Variants in RASA2 observed in about 807,000 individuals in gnomAD.
RASA2 encodes RAS p21 protein activator 2, also known as ras GTPase-activating protein 2.
In RASA2, 155 loss-of-function variants were observed where a neutral mutation model predicts 118.2. The observed-to-expected ratio is 1.31, with a 90% CI of 1.15 to 1.50. The LOEUF (loss-of-function observed/expected upper bound fraction) is 1.50. RASA2 is among the 40% of genes most tolerant of loss of function. The pLI, the probability that RASA2 is intolerant of heterozygous loss-of-function variation, is 0.00. For missense variants in RASA2, 1,016 were observed against 1,009.6 expected (o/e 1.01, Z -0.09); for synonymous variants, 353 against 349.1 (o/e 1.01, Z -0.12).
intron 1 of RASA2, among the ~76,000 whole-genome samples, chr3:141,500,234 T>G (rs894378301): frequency 1.3e-5 from 2 of 152,170 alleles, no homozygotes; most frequent in Admixed American, 1.3e-4. Flanking sequence ...CCTTTTTTTG[T>G]TTTTGTTTCT....
intron 19 of RASA2, among the ~76,000 whole-genome samples, chr3:141,588,733 A>C (rs1560054022): frequency 6.6e-6 from 1 of 152,176 alleles, no homozygotes; most frequent in Non-Finnish European, 1.5e-5. Flanking sequence ...AAGAAACCAA[A>C]TGCATTATAC....
intron 9 of RASA2, among the ~76,000 whole-genome samples, chr3:141,565,113 G>A (rs111283314): frequency 0.045 from 6,804 of 152,180 alleles, 494 homozygotes; most frequent in African/African-American, 0.15. Flanking sequence ...AGCCTCCCAA[G>A]TAGCTGGGAC....
intron 19 of RASA2, among the ~76,000 whole-genome samples, chr3:141,596,670 A>G (rs543415607): frequency 4.3e-4 from 66 of 152,370 alleles, no homozygotes; most frequent in African/African-American, 1.4e-3. Flanking sequence ...AAGAGATTAT[A>G]CAAGTGGATA....
intron 1 of RASA2, among the ~76,000 whole-genome samples, chr3:141,488,898 A>G (rs572881961): frequency 1.3e-5 from 2 of 152,320 alleles, no homozygotes; most frequent in Non-Finnish European, 2.9e-5. Context: ...AGGTTTTACC[A>G]TGGAACTACA....
At chr3:141,492,873 A>G (rs1180533966) in intron 1 of RASA2, among the ~76,000 whole-genome samples, 2 of 152,350 alleles carry the variant, frequency 1.3e-5, no homozygotes, top group East Asian at 1.9e-4. Flanking sequence ...AAGAGACGCT[A>G]ACCCACTGGA....
chr3:141,591,732 C>T (rs1324985689), intron 19 of RASA2, among the ~76,000 whole-genome samples: 1 of 151,912 alleles, frequency 6.6e-6, no homozygotes, highest in Non-Finnish European at 1.5e-5. Flanking sequence ...ACATTAAATG[C>T]CCTAGCTTAT....
intron 19 of RASA2, among the ~76,000 whole-genome samples, chr3:141,602,127 G>C (rs1410782043): frequency 1.3e-5 from 2 of 152,138 alleles, no homozygotes; most frequent in African/African-American, 4.8e-5. Flanking sequence ...ATCAGTTTTA[G>C]TTGGCTGCCT....
At position 141,613,711 on chromosome 3, in the gene RASA2, A is replaced by G. The variant is rs2083686638; in HGVS notation, c.*1398A>G. On this transcript the variant is annotated 3_prime_UTR_variant, in exon 24 of 24. Transcript: ENST00000286364. ...GCTATATTTCAAGATATACTTTGCC[A>G]ATTTTGTTATTGGTGGGTAATCATT... 6.6e-6 allele frequency: 1 copy of G among 152,192 alleles called. No individual in the cohort carries two copies. The highest frequency in any genetic ancestry group is 2.1e-4 in the South Asian group (1 of 4,832). The allele number at this position is 152,192 out of a possible 1,614,324, so 9.4% of individuals were successfully genotyped here. A position where few individuals can be genotyped will look rare whatever the true frequency, so the allele number is the denominator to read the frequency against.
Position 141,559,959 on chromosome 3 carries a change from T to C in RASA2, c.827T>C (p.Val276Ala), listed in dbSNP as rs1283132582. Residue 276 changes from valine (V) to alanine (A), a missense_variant, in exon 9 of 24, where the codon GTG (valine) becomes GCG (alanine). Physicochemically the swap from Val to Ala is moderately conservative, Grantham distance 64 (BLOSUM62 0). Coordinates refer to ENST00000286364, the MANE Select transcript of RASA2 (RefSeq NM_006506.5). Reference protein sequence around the residue: ...DVFLGEIKVPVNVLRTDSSHQ... With the variant: ...DVFLGEIKVPANVLRTDSSHQ... ...TTCCTAGGTGAGATTAAGGTTCCTGTGAACGTATTAAGAACTGATTCCTCT... is the reference window on the plus strand; with the variant it reads ...TTCCTAGGTGAGATTAAGGTTCCTGCGAACGTATTAAGAACTGATTCCTCT... 9.3e-6 allele frequency: 15 copies of C among 1,613,196 alleles called. No individual in the cohort carries two copies. The highest frequency in any genetic ancestry group is 1.2e-5 in the Non-Finnish European group (14 of 1,179,440).
chr3:141,578,566 A>G lies in RASA2; in HGVS notation c.1590+1460A>G, dbSNP rs1162386789. ...CTGAATAGAACCATGTTGCAGTGGC[A>G]GCACCACGCCCTTTCTTGCCAAAGG... On this transcript the variant is annotated intron_variant, in intron 15 of 23. Transcript: ENST00000286364. 2.0e-5 allele frequency: 3 copies of G among 152,240 alleles called. No homozygotes were observed. The East Asian group carries it at 5.8e-4, about 29-fold the overall frequency. The allele number at this position is 152,240 out of a possible 1,614,324, so 9.4% of individuals were successfully genotyped here. A position where few individuals can be genotyped will look rare whatever the true frequency, so the allele number is the denominator to read the frequency against.
At chr3:141,562,747 A>G (rs1382744917) in intron 9 of RASA2, among the ~76,000 whole-genome samples, 3 of 150,982 alleles carry the variant, frequency 2.0e-5, no homozygotes, top group Admixed American at 1.3e-4. Context: ...ATCTTGGCCC[A>G]CTGCAATCTC....
intron 1 of RASA2, among the ~76,000 whole-genome samples, chr3:141,495,718 C>T (rs944728711): frequency 1.3e-5 from 2 of 152,146 alleles, no homozygotes; most frequent in African/African-American, 2.4e-5. Flanking sequence ...CCTATTTGCC[C>T]TGCATCAACA....
chr3:141,529,351 G>A (rs187595529), intron 3 of RASA2, among the ~76,000 whole-genome samples: 165 of 152,132 alleles, frequency 1.1e-3, no homozygotes, highest in African/African-American at 3.8e-3. Flanking sequence ...CAAAAAATTG[G>A]GAAGATTAGT....
At chr3:141,555,760 G>T (rs946029813) in intron 6 of RASA2, 80 bp from the exon 7 acceptor site, 2 of 1,205,376 alleles carry the variant, frequency 1.7e-6, no homozygotes, top group African/African-American at 3.1e-5. Flanking sequence ...TGGAGGTCAG[G>T]CTCCCTGGTT....
rs1050282333 is a variant in RASA2 at position 141,577,207 on chromosome 3, A to G, written c.1590+101A>G. 21 of 806,926 alleles carry G rather than the reference A, an allele frequency of 2.6e-5. No homozygotes were observed. The Admixed American group carries it at 5.6e-4, about 21-fold the overall frequency. The allele number at this position is 806,926 out of a possible 1,614,324, so 50.0% of individuals were successfully genotyped here. ...CAATTTCACTAGGCTGTATTTTCTT[A>G]TAACTGATACTTAAATTTACTCAGC... is the stretch of plus-strand genomic sequence containing the variant. On this transcript the variant is annotated intron_variant, in intron 15 of 23. Transcript: ENST00000286364.
At chr3:141,496,841 T>C (rs1189533739) in intron 1 of RASA2, among the ~76,000 whole-genome samples, 1 of 152,194 alleles carries the variant, frequency 6.6e-6, no homozygotes, top group Non-Finnish European at 1.5e-5. Context: ...TTATAAATCA[T>C]GCTGCTACAA....
At position 141,553,881 on chromosome 3, in the gene RASA2, T is replaced by C. The variant is rs746972736; in HGVS notation, c.552T>C (p.Pro184=). The change falls in exon 6 of 24, where the codon CCT becomes CCC. Residue 184 remains proline, a synonymous_variant. Coordinates refer to ENST00000286364, the MANE Select transcript of RASA2 (RefSeq NM_006506.5). The part of the protein sequence containing the change: ...VVHIKACHGL[P]LINGQSCDPY... ...GCATCAAGGCATGCCATGGGTTGCC[T>C]CTCATAAATGGCCAAAGCTGTGACC... 1.8e-5 allele frequency: 29 copies of C among 1,612,038 alleles called. No individual in the cohort carries two copies. In the South Asian group the frequency reaches 2.8e-4, roughly 15 times the overall value.
intron 19 of RASA2, among the ~76,000 whole-genome samples, chr3:141,602,236 T>G (rs934007666): frequency 1.3e-5 from 2 of 152,186 alleles, no homozygotes; most frequent in Non-Finnish European, 2.9e-5. Context: ...CCCAACCTTT[T>G]TGTCACCAAG....
At chr3:141,501,542 A>C (rs2081781764) in intron 1 of RASA2, among the ~76,000 whole-genome samples, 2 of 152,224 alleles carry the variant, frequency 1.3e-5, no homozygotes, top group Admixed American at 6.5e-5. Flanking sequence ...GAGAGTAAGG[A>C]CATACAGATA....
Sources: gnomAD v4.1 joint callset for allele counts (sites outside exome capture counted in the v4.1 genomes callset) on GRCh38, gnomAD v4.1.1 for gene constraint, MANE v1.5 for transcripts, NCBI Gene and HGNC (gene_info 2026-07-23, HGNC 2026-07-21) for gene names.